The following SNRNP200 variants were observed in gnomAD, a reference collection of about 807,000 sequenced individuals.
SNRNP200 encodes the protein U5 small nuclear ribonucleoprotein 200 kDa helicase.
A neutral mutation model predicts 255.2 loss-of-function variants in SNRNP200; 66 were observed. The ratio of observed to expected loss-of-function variants is 0.26; its 90% CI spans 0.21 to 0.32. The LOEUF (loss-of-function observed/expected upper bound fraction) is 0.32. SNRNP200 is among the 10% of genes least tolerant of loss of function. SNRNP200 has a pLI of 1.00. For synonymous variants in SNRNP200, 939 were observed against 1,027.8 expected, an observed-to-expected ratio of 0.91 and a Z score of 1.65; for missense variants, 1,585 against 2,749.8, an observed-to-expected ratio of 0.58 and a Z score of 9.47.
At position 96,286,426 on chromosome 2, in the gene SNRNP200, G is replaced by T. The variant is rs143175658; in HGVS notation, c.3888C>A (p.Pro1296=). The T allele has an allele frequency of 2.8e-5, 46 of 1,614,196 alleles. No homozygotes were observed. In the East Asian group the frequency reaches 4.7e-4, roughly 16 times the overall value. Residue 1296 remains proline, a synonymous_variant, in exon 29 of 45, where the codon CCC becomes CCA. Transcript: ENST00000323853. This position sits in a 1 kb window ranked among gnomAD's most constrained non-coding sequence, Gnocchi z 4.8. ...FRHLILPEKY[P]PPTELLDLQP... Reference sequence around the variant, plus strand: ...GCAGGTCCAAAAGTTCGGTTGGAGGGGGGTACTTCTCCGGCAAGATCAGGT... The same window carrying T: ...GCAGGTCCAAAAGTTCGGTTGGAGGTGGGTACTTCTCCGGCAAGATCAGGT...
rs957546261 is a variant in SNRNP200 at position 96,275,435 on chromosome 2, G to T, written c.6175-86C>A. ...GAAAATGGTACAGTTACAAAAGAGA[G>T]AACAAAAATCAGATAGCTTTCCAAA... On this transcript the variant is annotated intron_variant, in intron 43 of 44. Transcript: ENST00000323853. The T allele has an allele frequency of 6.1e-6, 7 of 1,147,900 alleles. No homozygotes were observed. In the East Asian group the frequency reaches 1.6e-4, roughly 27 times the overall value. The allele number at this position is 1,147,900 out of a possible 1,614,324, so 71.1% of individuals were successfully genotyped here. A position where few individuals can be genotyped will look rare whatever the true frequency, so the allele number is the denominator to read the frequency against.
intron 35 of SNRNP200, chr2:96,279,860 G>A: frequency 2.9e-6 from 1 of 348,872 alleles, no homozygotes; most frequent in South Asian, 2.7e-5. Context: ...AAATATGTAA[G>A]TCAAACTTCC....
rs1208281264 is a variant in SNRNP200 at position 96,290,235 on chromosome 2, G to A, written c.2742+91C>T. The A allele has an allele frequency of 1.8e-5, 25 of 1,405,676 alleles. No individual in the cohort carries two copies. In the East Asian group the frequency reaches 5.5e-4, roughly 31 times the overall value. 87.1% of individuals were successfully genotyped at this position (1,405,676 alleles called of 1,614,324 possible). A position where few individuals can be genotyped will look rare whatever the true frequency, so the allele number is the denominator to read the frequency against. On this transcript the variant is annotated intron_variant, in intron 20 of 44. Coordinates refer to ENST00000323853, the MANE Select transcript of SNRNP200 (RefSeq NM_014014.5). The surrounding 1 kb of genome is among the most constrained non-coding windows in gnomAD (Gnocchi z 4.5). Reference sequence around the variant, plus strand: ...GCAGGGATGGAAGGCCTCGGACGCTGCTGGCCCGCAGCACAATAGGGACCG... The same window carrying A: ...GCAGGGATGGAAGGCCTCGGACGCTACTGGCCCGCAGCACAATAGGGACCG...
chr2:96,288,819 T>G lies in SNRNP200; in HGVS notation c.3175-73A>C. 6.1e-6 allele frequency: 8 copies of G among 1,316,738 alleles called. No homozygotes were observed. In the South Asian group the frequency reaches 9.5e-5, roughly 16 times the overall value. 81.6% of individuals were successfully genotyped at this position (1,316,738 alleles called of 1,614,324 possible). On this transcript the variant is annotated intron_variant, in intron 23 of 44. Coordinates refer to ENST00000323853, the MANE Select transcript of SNRNP200 (RefSeq NM_014014.5). ...CCAAGAAAGGGAATTACATTTCTGC[T>G]CTGAGCATCCAGGCCAGGTGAGATT...
chr2:96,303,079 G>T (rs748945109), intron 3 of SNRNP200, 80 bp downstream of exon 3: 2 of 1,476,730 alleles, frequency 1.4e-6, no homozygotes, highest in Admixed American at 1.7e-5. Flanking sequence ...TTAGCACTTC[G>T]AAGATTCCAA....
chr2:96,288,073 C>A (rs1489307973), intron 24 of SNRNP200, 104 bp from the exon 25 acceptor site: 16 of 1,019,012 alleles, frequency 1.6e-5, no homozygotes, highest in Non-Finnish European at 2.5e-5. Flanking sequence ...ACACAACCAC[C>A]CACCCTAACT....
Position 96,298,297 on chromosome 2 carries a change from T to G in SNRNP200, c.1106A>C (p.Glu369Ala). 1 of 1,614,238 alleles carries G rather than the reference T, an allele frequency of 6.2e-7. No homozygotes were observed. Among genetic ancestry groups the G allele is most frequent in the South Asian group, 1.1e-5 (1 of 91,086 alleles). ...FLYQLHETEK[E>A]DLIREERSRR... is the part of the protein sequence containing the mutation. Reference sequence around the variant, plus strand: ...CCCAGTCCTTACTCGGATCAGATCCTCCTTCTCGGTTTCATGAAGCTGGTA... The same window carrying G: ...CCCAGTCCTTACTCGGATCAGATCCGCCTTCTCGGTTTCATGAAGCTGGTA... The change falls in exon 9 of 45, where the codon GAG (glutamate) becomes GCG (alanine). Residue 369 changes from glutamate to alanine, a missense_variant. Coordinates refer to ENST00000323853, the MANE Select transcript of SNRNP200 (RefSeq NM_014014.5).
chr2:96,279,032 A>G, intron 36 of SNRNP200, 34 bp from the exon 37 acceptor site: 1 of 1,561,314 alleles, frequency 6.4e-7, no homozygotes, highest in Non-Finnish European at 8.8e-7. Context: ...AGTAATAAAG[A>G]ATTAGTGACA....
chr2:96,287,233 C>T lies in SNRNP200; in HGVS notation c.3485-73G>A. ...TACTGCAAACTGGGCCTGAGGGCCA[C>T]TGTGGGAAAGGGGTAGGGTCTTCCC... On this transcript the variant is annotated intron_variant, in intron 26 of 44. Transcript: ENST00000323853. This position sits in a 1 kb window ranked among gnomAD's most constrained non-coding sequence, Gnocchi z 5.7. 3 of 1,578,596 alleles carry T rather than the reference C, an allele frequency of 1.9e-6. No homozygotes were observed. Among genetic ancestry groups the T allele is most frequent in the Middle Eastern group, 1.7e-4 (1 of 5,716 alleles).
At position 96,284,370 on chromosome 2, in the gene SNRNP200, C is replaced by G. The variant is rs748485171; in HGVS notation, c.4380G>C (p.Gly1460=). 8.1e-6 allele frequency: 13 copies of G among 1,613,814 alleles called. No individual in the cohort carries two copies. The highest frequency in any genetic ancestry group is 1.1e-5 in the Non-Finnish European group (13 of 1,179,864). ...GGTCACGCCATACCCCATTCTCGCC[C>G]CCGATAAGGTGGACCTCATCCACCA... ...LFVVDEVHLI[G]GENGPVLEVI... Residue 1460 remains glycine, a synonymous_variant, in exon 31 of 45, where the codon GGG becomes GGC. Transcript: ENST00000323853.
chr2:96,278,793 T>C lies in SNRNP200; in HGVS notation c.5323+16A>G. On this transcript the variant is annotated intron_variant, in intron 37 of 44. Coordinates refer to ENST00000323853, the MANE Select transcript of SNRNP200 (RefSeq NM_014014.5). This position sits in a 1 kb window ranked among gnomAD's most constrained non-coding sequence, Gnocchi z 6.9. Reference sequence around the variant, plus strand: ...AGAACCACCAAAGGATCACGTGTGCTCCCAAGCCCACTGACCCTGCAGGTT... The same window carrying C: ...AGAACCACCAAAGGATCACGTGTGCCCCCAAGCCCACTGACCCTGCAGGTT... 1 of 1,614,156 alleles carries C rather than the reference T, an allele frequency of 6.2e-7. No individual in the cohort carries two copies. The highest frequency in any genetic ancestry group is 8.5e-7 in the Non-Finnish European group (1 of 1,180,024).
At position 96,300,725 on chromosome 2, in the gene SNRNP200, C is replaced by T. The variant is rs554008326; in HGVS notation, c.630+273G>A. ...CTTGCAGTGAGCCGAGATCGCACCA[C>T]TGCACTCCAGCCTGGGCGACAGAGA... On this transcript the variant is annotated intron_variant, in intron 5 of 44. Coordinates refer to ENST00000323853, the MANE Select transcript of SNRNP200 (RefSeq NM_014014.5). 6.6e-5 allele frequency among the ~76,000 whole-genome samples: 10 copies of T among 151,958 alleles called. No individual in the cohort carries two copies. In the South Asian group the frequency reaches 2.1e-3, roughly 32 times the overall value.
chr2:96,299,986 A>G (rs930443371), intron 5 of SNRNP200, among the ~76,000 whole-genome samples: 2 of 152,210 alleles, frequency 1.3e-5, no homozygotes, highest in African/African-American at 4.8e-5. Flanking sequence ...CTTAGCAATC[A>G]CCTATTGAAA....
chr2:96,274,842 G>T lies in SNRNP200; in HGVS notation c.*170C>A, dbSNP rs1382211153. 6.8e-6 allele frequency: 5 copies of T among 739,180 alleles called. No homozygotes were observed. The highest frequency in any genetic ancestry group is 3.4e-5 in the African/African-American group (2 of 58,072). The allele number at this position is 739,180 out of a possible 1,614,324, so 45.8% of individuals were successfully genotyped here. A position where few individuals can be genotyped will look rare whatever the true frequency, so the allele number is the denominator to read the frequency against. On this transcript the variant is annotated 3_prime_UTR_variant, in exon 45 of 45. Transcript: ENST00000323853. ...TGACCCATGACACCTGCTGTCACTG[G>T]ATCCAGAGTGAGCAAGGGAAAGGAA... is the stretch of plus-strand genomic sequence containing the variant.
Position 96,295,577 on chromosome 2 carries a change from T to A in SNRNP200, c.1753A>T (p.Ile585Phe). 5 of 1,613,892 alleles carry A rather than the reference T, an allele frequency of 3.1e-6. No homozygotes were observed. Among genetic ancestry groups the A allele is most frequent in the Non-Finnish European group, 4.2e-6 (5 of 1,180,014 alleles). Residue 585 changes from isoleucine (I) to phenylalanine (F), a missense_variant, in exon 14 of 45, where the codon ATC (isoleucine) becomes TTC (phenylalanine). By Grantham distance (21) the Ile-to-Phe change is conservative (BLOSUM62 0). Around this residue, in one of 9 missense-constraint regions of SNRNP200, gnomAD observed 56 missense variants for 77.4 expected, o/e 0.72. Transcript: ENST00000323853. ...CACTTCTCGGGGGTGCAGACGATGA[T>A]CTGAGTGGCACTGATCTCTTCTTTG... ...LCKEEISATQIIVCTPEKWDI... is the reference protein window; with the variant it reads ...LCKEEISATQFIVCTPEKWDI...
chr2:96,304,124 AAACT>A (rs2063972201), intron 2 of SNRNP200, among the ~76,000 whole-genome samples: 1 of 152,138 alleles, frequency 6.6e-6, no homozygotes, highest in African/African-American at 2.4e-5. Context: ...TACTTTAATC[AAACT>A]AAGCCTAGGA....
In SNRNP200 at chr2:96,278,382, A is replaced by G; in HGVS notation, c.5489-24T>C. On this transcript the variant is annotated intron_variant, in intron 38 of 44. Coordinates refer to ENST00000323853, the MANE Select transcript of SNRNP200 (RefSeq NM_014014.5). The surrounding 1 kb of genome is among the most constrained non-coding windows in gnomAD (Gnocchi z 6.9). ...CTCTGACAGAAAAAGGAAATGTGAG[A>G]GAAGCTAAAACCAGGCAGAGAAGGA... The G allele has an allele frequency of 6.2e-7, 1 of 1,614,000 alleles. No individual in the cohort carries two copies. Among genetic ancestry groups the G allele is most frequent in the South Asian group, 1.1e-5 (1 of 91,072 alleles).
chr2:96,304,827 G>A lies in SNRNP200; in HGVS notation c.87C>T (p.Asp29=), dbSNP rs140629902. The A allele has an allele frequency of 2.6e-4, 415 of 1,614,172 alleles. No individual in the cohort carries two copies. Among genetic ancestry groups the A allele is most frequent in the Non-Finnish European group, 3.4e-4 (400 of 1,180,040 alleles). The change falls in exon 2 of 45, where the codon GAC becomes GAT. Residue 29 remains aspartate, a synonymous_variant. Coordinates refer to ENST00000323853, the MANE Select transcript of SNRNP200 (RefSeq NM_014014.5). ...LVLQADRSLI[D]RTRRDEPTGE... ...CTGTGGGTTCATCCCGGCGGGTCCG[G>A]TCAATGAGAGAACGGTCAGCTTGGA...
rs908881358 is a variant in SNRNP200, at chr2:96,275,239, G to A, written c.6267+18C>T. The A allele has an allele frequency of 6.2e-7, 1 of 1,613,952 alleles. No homozygotes were observed. The highest frequency in any genetic ancestry group is 2.2e-5 in the East Asian group (1 of 44,884). On this transcript the variant is annotated intron_variant, in intron 44 of 44. Coordinates refer to ENST00000323853, the MANE Select transcript of SNRNP200 (RefSeq NM_014014.5). ...CCCCCATGCCAGAACAAATGCTAGGGCCAGTGGACACACTCACCTTGGCCT... is the reference window on the plus strand; with the variant it reads ...CCCCCATGCCAGAACAAATGCTAGGACCAGTGGACACACTCACCTTGGCCT...
Sources: gnomAD v4.1 joint callset for allele counts (sites outside exome capture counted in the v4.1 genomes callset) on GRCh38, gnomAD v4.1.1 for gene constraint, gnomAD v4.1.1 regional missense constraint, Gnocchi (gnomAD v3.1) non-coding constraint, MANE v1.5 for transcripts, NCBI Gene and HGNC (gene_info 2026-07-23, HGNC 2026-07-21) for gene names.